The following ELL2 variants were observed in gnomAD, a reference collection of about 807,000 sequenced individuals.
The protein encoded by ELL2 is elongation factor for RNA polymerase II 2.
Under a neutral mutation model 72.8 loss-of-function variants are expected in ELL2, and 21 were observed. That is an observed-to-expected ratio of 0.29 (90% CI 0.20 to 0.42). The LOEUF (loss-of-function observed/expected upper bound fraction) is 0.42, where lower values mean the gene tolerates loss of function less well. Ranked by LOEUF, ELL2 falls within the 10% of genes least tolerant of loss-of-function variation. The pLI is 1.00. For synonymous variants in ELL2, 266 were observed against 283.2 expected (o/e 0.94, Z 0.61); for missense variants, 568 against 772.8 (o/e 0.73, Z 3.14).
chr5:95,936,585 C>A (rs189912948), intron 2 of ELL2, among the ~76,000 whole-genome samples: 4 of 152,140 alleles, frequency 2.6e-5, no homozygotes, highest in Admixed American at 2.0e-4. Context: ...GAGTTGGAGA[C>A]CAGGCTGGGC....
intron 2 of ELL2, among the ~76,000 whole-genome samples, chr5:95,925,427 C>T (rs1750248418): frequency 6.6e-6 from 1 of 152,228 alleles, no homozygotes; most frequent in African/African-American, 2.4e-5. Flanking sequence ...GTCTGAAACA[C>T]TCATTACCTT....
chr5:95,953,503 T>G (rs1751496441), intron 1 of ELL2, among the ~76,000 whole-genome samples: 1 of 152,234 alleles, frequency 6.6e-6, no homozygotes, highest in South Asian at 2.1e-4. Flanking sequence ...TATTTAAGTC[T>G]TAAAGTATCT....
chr5:95,889,026 T>C (rs761625881), intron 11 of ELL2, 39 bp from the exon 12 acceptor site: 6 of 1,568,754 alleles, frequency 3.8e-6, no homozygotes, highest in Non-Finnish European at 3.5e-6. Flanking sequence ...AGGAATGAGA[T>C]TGCAGAATTT....
At chr5:95,915,423 A>G (rs1233136214) in intron 3 of ELL2, among the ~76,000 whole-genome samples, 1 of 152,232 alleles carries the variant, frequency 6.6e-6, no homozygotes, top group Admixed American at 6.5e-5. Flanking sequence ...TAAATTGCTA[A>G]TAACTGTCTT....
chr5:95,952,418 C>T (rs777852905), intron 1 of ELL2, among the ~76,000 whole-genome samples: 39 of 151,910 alleles, frequency 2.6e-4, no homozygotes, highest in Non-Finnish European at 5.4e-4. Flanking sequence ...TGCAATTTAC[C>T]TACATAACAA....
chr5:95,894,259 G>T lies in ELL2; in HGVS notation c.1589+1369C>A, dbSNP rs1466754769. ...CCGTCTCAAAAACAAAAAAAGGGGG[G>T]ATTAACTAATGAACTTGGCAAAACA... is the stretch of plus-strand genomic sequence containing the variant. On this transcript the variant is annotated intron_variant, in intron 9 of 11. Coordinates refer to ENST00000237853, the MANE Select transcript of ELL2 (RefSeq NM_012081.6). Among the ~76,000 whole-genome samples, 5 of 152,152 alleles carry T rather than the reference G, an allele frequency of 3.3e-5. No homozygotes were observed. The East Asian group carries it at 5.8e-4, about 18-fold the overall frequency.
intron 2 of ELL2, chr5:95,942,791 AT>A (rs2112348538): frequency 3.1e-6 from 1 of 319,396 alleles, no homozygotes; most frequent in South Asian, 7.5e-5. Context: ...AACACTGTCA[AT>A]ATCAATAACC....
intron 8 of ELL2, among the ~76,000 whole-genome samples, chr5:95,897,434 T>C (rs1054540996): frequency 2.0e-5 from 3 of 152,274 alleles, no homozygotes; most frequent in African/African-American, 7.2e-5. Context: ...TTAGAGGACA[T>C]ATTTTTTAAA....
Position 95,888,456 on chromosome 5 carries a change from G to A in ELL2, c.*415C>T. 1 of 153,158 alleles carries A rather than the reference G, an allele frequency of 6.5e-6. No individual in the cohort carries two copies. Among genetic ancestry groups the A allele is most frequent in the South Asian group, 2.1e-4 (1 of 4,836 alleles). 9.5% of individuals were successfully genotyped at this position (153,158 alleles called of 1,614,324 possible). On this transcript the variant is annotated 3_prime_UTR_variant, in exon 12 of 12. Transcript: ENST00000237853. ...AAGAAACGTCAGAAAATAGGCTTAC[G>A]TTTATCCAAAAGCATTTCACCTTGC...
chr5:95,904,956 ATGT>A (rs1221347958), intron 5 of ELL2, among the ~76,000 whole-genome samples: 11 of 152,076 alleles, frequency 7.2e-5, no homozygotes, highest in Non-Finnish European at 1.5e-4. Flanking sequence ...AAAATGGTCG[ATGT>A]TGTTAGCCTT....
intron 1 of ELL2, among the ~76,000 whole-genome samples, chr5:95,948,449 A>AAAAAAAAAAAAAC (rs1174345243): frequency 6.7e-6 from 1 of 150,358 alleles, no homozygotes; most frequent in African/African-American, 2.4e-5. Context: ...AAAAAAAAAA[A>AAAAAAAAAAAAAC]AAAAGCCACA....
At chr5:95,946,723 C>T (rs1220269060) in intron 1 of ELL2, among the ~76,000 whole-genome samples, 1 of 152,248 alleles carries the variant, frequency 6.6e-6, no homozygotes, top group Non-Finnish European at 1.5e-5. Flanking sequence ...TCCTCTCTAA[C>T]TCTTTCCTGT....
At chr5:95,935,871 C>T (rs561624386) in intron 2 of ELL2, among the ~76,000 whole-genome samples, 388 of 151,898 alleles carry the variant, frequency 2.6e-3, no homozygotes, top group Non-Finnish European at 6.8e-4. Context: ...TAAGGAATGA[C>T]TAAGTCAAGG....
chr5:95,911,988 G>A (rs1233978289), intron 4 of ELL2, among the ~76,000 whole-genome samples: 1 of 152,224 alleles, frequency 6.6e-6, no homozygotes, highest in African/African-American at 2.4e-5. Flanking sequence ...CTTCTTAGGA[G>A]AGGGGAGGTA....
At chr5:95,890,205 A>C (rs1225898611) in intron 10 of ELL2, among the ~76,000 whole-genome samples, 1 of 152,212 alleles carries the variant, frequency 6.6e-6, no homozygotes, top group African/African-American at 2.4e-5. Flanking sequence ...TGCACCTCTG[A>C]ACACCGATTC....
Position 95,898,439 on chromosome 5 carries a change from G to A in ELL2, c.1326C>T (p.Ser442=), listed in dbSNP as rs1290869029. The change falls in exon 8 of 12, where the codon TCC becomes TCT. Residue 442 remains serine, a synonymous_variant. Coordinates refer to ENST00000237853, the MANE Select transcript of ELL2 (RefSeq NM_012081.6). The part of the protein sequence containing the change: ...RTSLETLPPG[S]VLLKCPKPME... ...TAGGCTTTGGACACTTTAGTAGAAC[G>A]GAACCAGGGGGTAAGGTTTCCAGAG... is the stretch of plus-strand genomic sequence containing the variant. 8 of 1,613,562 alleles carry A rather than the reference G, an allele frequency of 5.0e-6. No individual in the cohort carries two copies. The highest frequency in any genetic ancestry group is 2.2e-5 in the South Asian group (2 of 91,052).
At chr5:95,961,301 G>C (rs1428106842) in intron 1 of ELL2, among the ~76,000 whole-genome samples, 1 of 151,980 alleles carries the variant, frequency 6.6e-6, no homozygotes, top group Non-Finnish European at 1.5e-5. Context: ...GGGGGCCGTC[G>C]GAAAGTCCCG....
intron 2 of ELL2, among the ~76,000 whole-genome samples, chr5:95,940,974 G>C (rs141243576): frequency 6.4e-4 from 98 of 152,080 alleles, no homozygotes; most frequent in Admixed American, 5.7e-3. Context: ...AAAAAGAAGG[G>C]GGGGAGGGGT....
intron 1 of ELL2, among the ~76,000 whole-genome samples, chr5:95,946,351 T>C (rs1751158880): frequency 6.6e-6 from 1 of 152,182 alleles, no homozygotes; most frequent in Non-Finnish European, 1.5e-5. Flanking sequence ...CAAAGAAAGA[T>C]GATGCCAGCG....
Sources: gnomAD v4.1 joint callset for allele counts (sites outside exome capture counted in the v4.1 genomes callset) on GRCh38, gnomAD v4.1.1 for gene constraint, MANE v1.5 for transcripts, NCBI Gene and HGNC (gene_info 2026-07-23, HGNC 2026-07-21) for gene names.